Variants in HS3ST4 observed in about 807,000 individuals in gnomAD.
HS3ST4 encodes the protein heparan sulfate-glucosamine 3-sulfotransferase 4, also known as heparan sulfate glucosamine 3-O-sulfotransferase 4.
A neutral mutation model predicts 29.2 loss-of-function variants in HS3ST4; 17 were observed. The observed-to-expected ratio is 0.58, with a 90% CI of 0.40 to 0.87. The LOEUF (loss-of-function observed/expected upper bound fraction) is 0.87, where lower values mean the gene tolerates loss of function less well. Among genes scored for constraint, HS3ST4 ranks in the 40% least tolerant of loss-of-function variants. The pLI is 0.00. For missense variants in HS3ST4, 627 were observed against 634.5 expected, an observed-to-expected ratio of 0.99 and a Z score of 0.13; for synonymous variants, 314 against 285.7, an observed-to-expected ratio of 1.10 and a Z score of -1.00.
intron 1 of HS3ST4, among the ~76,000 whole-genome samples, chr16:25,853,295 AGT>A (rs71272469): frequency 0.12 from 17,190 of 143,762 alleles, 1,088 homozygotes; most frequent in East Asian, 0.2. Flanking sequence ...AATCTTTGTG[AGT>A]GTGTGTGTGT....
chr16:25,731,778 C>T (rs1966571418), intron 1 of HS3ST4, among the ~76,000 whole-genome samples: 1 of 152,196 alleles, frequency 6.6e-6, no homozygotes, highest in Non-Finnish European at 1.5e-5. Context: ...CTTTATAACA[C>T]ACTGCCACAG....
intron 1 of HS3ST4, among the ~76,000 whole-genome samples, chr16:26,040,703 C>T (rs763035965): frequency 6.6e-6 from 1 of 152,090 alleles, no homozygotes; most frequent in African/African-American, 2.4e-5. Context: ...TTCCAGGACA[C>T]ACAGCTGGTG....
At chr16:25,823,407 C>A (rs182426628) in intron 1 of HS3ST4, among the ~76,000 whole-genome samples, 1 of 152,234 alleles carries the variant, frequency 6.6e-6, no homozygotes. Context: ...GGAGGAAGCA[C>A]CCCCAGGTAA....
chr16:25,919,965 A>C (rs142885265), intron 1 of HS3ST4, among the ~76,000 whole-genome samples: 148 of 152,276 alleles, frequency 9.7e-4, no homozygotes, highest in African/African-American at 3.3e-3. Context: ...CCTCCTCCCT[A>C]AGCTATGAGT....
chr16:25,767,487 A>G (rs772657686), intron 1 of HS3ST4, among the ~76,000 whole-genome samples: 8 of 152,180 alleles, frequency 5.3e-5, no homozygotes, highest in Non-Finnish European at 1.2e-4. Flanking sequence ...AGTCCTCAGT[A>G]TTGTCAAAAC....
intron 1 of HS3ST4, among the ~76,000 whole-genome samples, chr16:26,086,742 CT>C (rs1391823251): frequency 2.0e-5 from 3 of 152,186 alleles, no homozygotes; most frequent in Non-Finnish European, 4.4e-5. Flanking sequence ...TGCACAAAGC[CT>C]TTTGACCCTT....
At chr16:26,001,527 C>A (rs546384251) in intron 1 of HS3ST4, among the ~76,000 whole-genome samples, 2 of 151,974 alleles carry the variant, frequency 1.3e-5, no homozygotes, top group Non-Finnish European at 2.9e-5. Flanking sequence ...TAGGCCATAA[C>A]AAGGTAATTG....
chr16:25,692,711 C>G lies in HS3ST4; in HGVS notation c.294C>G (p.Pro98=). 8.1e-7 allele frequency: 1 copy of G among 1,231,616 alleles called. No individual in the cohort carries two copies. Among genetic ancestry groups the G allele is most frequent in the Non-Finnish European group, 1.0e-6 (1 of 989,420 alleles). 76.3% of individuals were successfully genotyped at this position (1,231,616 alleles called of 1,614,324 possible). The change falls in exon 1 of 2, where the codon CCC becomes CCG. Residue 98 remains proline (P), a synonymous_variant. Coordinates refer to ENST00000331351, the MANE Select transcript of HS3ST4 (RefSeq NM_006040.3). ...PVRLGAPSQP[P]APPPLDNASH... ...GCCTCGGCGCCCCCTCGCAGCCGCC[C>G]GCGCCGCCGCCGCTGGACAACGCGA...
rs564785342 is a variant in HS3ST4 at position 25,873,015 on chromosome 16, T to C, written c.734+179864T>C. ...GCCCACTTCTGCCCTGATGTTCCTA[T>C]TTCATCCAGTTCTTAAATATGTTGA... is the stretch of plus-strand genomic sequence containing the variant. On this transcript the variant is annotated intron_variant, in intron 1 of 1. Coordinates refer to ENST00000331351, the MANE Select transcript of HS3ST4 (RefSeq NM_006040.3). 2.6e-5 allele frequency among the ~76,000 whole-genome samples: 4 copies of C among 152,308 alleles called. No homozygotes were observed. In the South Asian group the frequency reaches 8.3e-4, roughly 32 times the overall value.
chr16:25,976,316 CT>C (rs560408216), intron 1 of HS3ST4, among the ~76,000 whole-genome samples: 3 of 152,012 alleles, frequency 2.0e-5, no homozygotes, highest in African/African-American at 4.8e-5. Context: ...TATTTCTTTT[CT>C]TTTTTTGAGA....
chr16:25,931,772 T>C (rs574029470), intron 1 of HS3ST4, among the ~76,000 whole-genome samples: 1 of 152,270 alleles, frequency 6.6e-6, no homozygotes, highest in African/African-American at 2.4e-5. Context: ...AGTCCTTTGG[T>C]TTAGCTTATT....
At chr16:26,103,220 CA>C (rs1899009651) in intron 1 of HS3ST4, among the ~76,000 whole-genome samples, 1 of 152,072 alleles carries the variant, frequency 6.6e-6, no homozygotes, top group South Asian at 2.1e-4. Context: ...ACCCTAATAA[CA>C]ATAAGGTAAA....
intron 1 of HS3ST4, among the ~76,000 whole-genome samples, chr16:25,845,931 G>C (rs1044642606): frequency 6.6e-6 from 1 of 151,958 alleles, no homozygotes; most frequent in African/African-American, 2.4e-5. Context: ...CTTTGTGTTA[G>C]GGTCCCTGTT....
At chr16:26,118,838 T>C (rs1899233820) in intron 1 of HS3ST4, among the ~76,000 whole-genome samples, 1 of 152,078 alleles carries the variant, frequency 6.6e-6, no homozygotes, top group Non-Finnish European at 1.5e-5. Flanking sequence ...GATATGAGGT[T>C]GGAGAACATA....
chr16:25,915,900 A>G (rs562554230), intron 1 of HS3ST4, among the ~76,000 whole-genome samples: 5 of 152,276 alleles, frequency 3.3e-5, no homozygotes, highest in Non-Finnish European at 7.4e-5. Flanking sequence ...GAAGAAAAAG[A>G]AGTTGTTGGA....
chr16:26,038,209 G>T (rs1361730341), intron 1 of HS3ST4, among the ~76,000 whole-genome samples: 2 of 152,024 alleles, frequency 1.3e-5, no homozygotes, highest in Non-Finnish European at 1.5e-5. Flanking sequence ...GCTCTTCCCC[G>T]ATTGCCCCTG....
intron 1 of HS3ST4, among the ~76,000 whole-genome samples, chr16:25,763,322 C>T (rs1421218673): frequency 2.6e-5 from 4 of 152,152 alleles, no homozygotes; most frequent in Non-Finnish European, 5.9e-5. Flanking sequence ...GAAAACAGCC[C>T]AGGCAGAAGG....
At chr16:25,831,398 C>T (rs1193805202) in intron 1 of HS3ST4, among the ~76,000 whole-genome samples, 1 of 75,618 alleles carries the variant, frequency 1.3e-5, no homozygotes, top group African/African-American at 6.4e-5. Context: ...CCCGTCTCTA[C>T]ACACACACAC....
At chr16:25,824,753 G>C (rs1967199277) in intron 1 of HS3ST4, 1 of 152,194 alleles carries the variant, frequency 6.6e-6, no homozygotes, top group Non-Finnish European at 1.5e-5. Context: ...CAGGGGCAGA[G>C]GTGCCACATA....
Sources: gnomAD v4.1 joint callset for allele counts (sites outside exome capture counted in the v4.1 genomes callset) on GRCh38, gnomAD v4.1.1 for gene constraint, MANE v1.5 for transcripts, NCBI Gene and HGNC (gene_info 2026-07-23, HGNC 2026-07-21) for gene names.